The following PTPRD variants were observed in gnomAD, a reference collection of about 807,000 sequenced individuals.
PTPRD encodes the protein receptor-type tyrosine-protein phosphatase delta.
PTPRD carries 34 observed loss-of-function variants against 214.5 expected under a neutral mutation model. The observed-to-expected ratio is 0.16, with a 90% CI of 0.12 to 0.21. The LOEUF is 0.21. Among genes scored for constraint, PTPRD ranks in the 10% least tolerant of loss-of-function variants. PTPRD has a pLI of 1.00. For missense variants in PTPRD, 2,545 were observed against 2,398.7 expected (o/e 1.06, Z -1.27); for synonymous variants, 1,128 against 845.7 (o/e 1.33, Z -5.79).
chr9:10,127,531 T>C (rs1039539824), intron 3 of PTPRD, among the ~76,000 whole-genome samples: 2 of 152,196 alleles, frequency 1.3e-5, no homozygotes, highest in Non-Finnish European at 2.9e-5. Context: ...AATCCCAATG[T>C]ATTAGTTTAA....
chr9:10,167,525 G>A (rs2099166692), intron 3 of PTPRD, among the ~76,000 whole-genome samples: 1 of 152,096 alleles, frequency 6.6e-6, no homozygotes, highest in Non-Finnish European at 1.5e-5. Flanking sequence ...TATCTATTAG[G>A]AAATGGAATA....
At chr9:8,684,664 G>A (rs573821846) in intron 12 of PTPRD, among the ~76,000 whole-genome samples, 1 of 152,046 alleles carries the variant, frequency 6.6e-6, no homozygotes, top group African/African-American at 2.4e-5. Context: ...AATAATAAAA[G>A]AATGAGGGAG....
chr9:9,850,132 G>T (rs369449105), intron 5 of PTPRD, among the ~76,000 whole-genome samples: 9 of 152,026 alleles, frequency 5.9e-5, no homozygotes, highest in Non-Finnish European at 1.2e-4. Flanking sequence ...TTTAACTTTA[G>T]ACCAAAAAGT....
chr9:9,154,770 T>C (rs1466447838), intron 10 of PTPRD, among the ~76,000 whole-genome samples: 3 of 152,160 alleles, frequency 2.0e-5, no homozygotes, highest in African/African-American at 4.8e-5. Context: ...TAATCTGGTG[T>C]AGGCAATGAA....
chr9:8,470,932 G>A (rs1036485686), intron 31 of PTPRD, 63 bp downstream of exon 31: 1 of 1,389,396 alleles, frequency 7.2e-7, no homozygotes, highest in Non-Finnish European at 9.9e-7. Flanking sequence ...TCCAAGGGAG[G>A]GGGGCGGAAA....
At chr9:8,787,976 G>T (rs376699547) in intron 11 of PTPRD, among the ~76,000 whole-genome samples, 1 of 152,130 alleles carries the variant, frequency 6.6e-6, no homozygotes, top group South Asian at 2.1e-4. Flanking sequence ...GGTGCTTTTT[G>T]CTAACTTTGA....
In PTPRD at chr9:8,317,759, A is replaced by G; in HGVS notation, c.*115T>C. 1 of 819,760 alleles carries G rather than the reference A, an allele frequency of 1.2e-6. No homozygotes were observed. The highest frequency in any genetic ancestry group is 2.0e-6 in the Non-Finnish European group (1 of 488,300). 50.8% of individuals were successfully genotyped at this position (819,760 alleles called of 1,614,324 possible). A position where few individuals can be genotyped will look rare whatever the true frequency, so the allele number is the denominator to read the frequency against. ...TTGTTTTGTGTGTAATAGTCCCACTAAGTAGTTGTTAGCTAGAAGTTAAGA... is the reference window on the plus strand; with the variant it reads ...TTGTTTTGTGTGTAATAGTCCCACTGAGTAGTTGTTAGCTAGAAGTTAAGA... On this transcript the variant is annotated 3_prime_UTR_variant, in exon 46 of 46. Coordinates refer to ENST00000381196, the MANE Select transcript of PTPRD (RefSeq NM_002839.4).
chr9:10,124,626 T>G (rs1438446333), intron 3 of PTPRD, among the ~76,000 whole-genome samples: 1 of 152,200 alleles, frequency 6.6e-6, no homozygotes, highest in African/African-American at 2.4e-5. Context: ...CATTGTAATT[T>G]TTTGTTTATT....
At chr9:8,831,018 G>A (rs2097278198) in intron 11 of PTPRD, among the ~76,000 whole-genome samples, 1 of 152,142 alleles carries the variant, frequency 6.6e-6, no homozygotes, top group Admixed American at 6.5e-5. Context: ...GAATTTTGAT[G>A]ATCCAGCTTC....
intron 7 of PTPRD, among the ~76,000 whole-genome samples, chr9:9,591,288 G>A (rs759176846): frequency 6.6e-6 from 1 of 151,888 alleles, no homozygotes; most frequent in African/African-American, 2.4e-5. Context: ...AGGCAGCCTC[G>A]GGGACCAAAG....
intron 2 of PTPRD, among the ~76,000 whole-genome samples, chr9:10,463,898 T>C (rs1328269015): frequency 6.6e-6 from 1 of 152,156 alleles, no homozygotes; most frequent in African/African-American, 2.4e-5. Context: ...ATACCCCTTT[T>C]ATTCTGCAGA....
At chr9:10,239,015 TC>T (rs1258271232) in intron 3 of PTPRD, among the ~76,000 whole-genome samples, 1 of 151,902 alleles carries the variant, frequency 6.6e-6, no homozygotes, top group Non-Finnish European at 1.5e-5. Flanking sequence ...GTTTTGAATA[TC>T]CTATTGGGCA....
At chr9:10,268,671 T>C (rs2094240748) in intron 3 of PTPRD, among the ~76,000 whole-genome samples, 1 of 152,166 alleles carries the variant, frequency 6.6e-6, no homozygotes, top group Admixed American at 6.5e-5. Flanking sequence ...ACTCACATTG[T>C]CTCCTTCCTG....
At chr9:10,307,081 A>G (rs2096097919) in intron 3 of PTPRD, among the ~76,000 whole-genome samples, 2 of 152,140 alleles carry the variant, frequency 1.3e-5, no homozygotes, top group South Asian at 2.1e-4. Flanking sequence ...AAACATTTCC[A>G]GTTCTTTATT....
intron 29 of PTPRD, among the ~76,000 whole-genome samples, 170 bp downstream of exon 29, chr9:8,485,057 G>C (rs1222337075): frequency 6.6e-6 from 1 of 152,218 alleles, no homozygotes; most frequent in Non-Finnish European, 1.5e-5. Flanking sequence ...AGAGTGTAAA[G>C]GACACACTTA....
chr9:10,083,707 A>T (rs2098279953), intron 3 of PTPRD, among the ~76,000 whole-genome samples: 1 of 151,850 alleles, frequency 6.6e-6, no homozygotes, highest in Non-Finnish European at 1.5e-5. Context: ...GTGGAAGATA[A>T]TTTTTTCTAT....
chr9:8,486,064 G>A lies in PTPRD; in HGVS notation c.2753C>T (p.Pro918Leu), dbSNP rs2096998497. Residue 918 changes from proline (P) to leucine (L), a missense_variant, in exon 28 of 46, where the codon CCA (proline) becomes CTA (leucine). Physicochemically the swap from Pro to Leu is moderately conservative, Grantham distance 98. Transcript: ENST00000381196. ...VKEISIPEEV[P>L]TGFPQNLHSE... is the part of the protein sequence containing the mutation. ...GTGAAGGTTTTGAGGGAATCCAGTT[G>A]GTACTTCTTCTGGAATGGAAATCTC... The A allele has an allele frequency of 6.2e-7, 1 of 1,614,156 alleles. No homozygotes were observed.
rs193271215 is a variant in PTPRD at position 9,101,645 on chromosome 9, T to C, written c.-143+81659A>G. On this transcript the variant is annotated intron_variant, in intron 10 of 45. Transcript: ENST00000381196. Reference sequence around the variant, plus strand: ...AAGAATTCTCAAGCGTTAAAAACCATGTCATTATCCACAGACAACTTGAGG... The same window carrying C: ...AAGAATTCTCAAGCGTTAAAAACCACGTCATTATCCACAGACAACTTGAGG... 3.8e-4 allele frequency among the ~76,000 whole-genome samples: 58 copies of C among 152,288 alleles called. 1 individual carries two copies. Among genetic ancestry groups the C allele is most frequent in the Admixed American group, 3.8e-3 (58 of 15,292 alleles).
chr9:10,312,032 T>C (rs1378396817), intron 3 of PTPRD, among the ~76,000 whole-genome samples: 1 of 151,970 alleles, frequency 6.6e-6, no homozygotes. Context: ...TAAGGTCTCA[T>C]CTCACCTCAT....
Sources: allele counts gnomAD v4.1 joint callset (sites outside exome capture counted in the v4.1 genomes callset), GRCh38; gene constraint gnomAD v4.1.1; transcripts MANE v1.5; gene names NCBI Gene and HGNC (gene_info 2026-07-23, HGNC 2026-07-21).